The following TGFBR3 variants were observed in gnomAD, a reference collection of about 807,000 sequenced individuals.
The protein encoded by TGFBR3 is transforming growth factor beta receptor type 3.
TGFBR3 carries 46 observed loss-of-function variants against 87.9 expected under a neutral mutation model. The ratio of observed to expected loss-of-function variants is 0.52; its 90% confidence interval spans 0.41 to 0.67. TGFBR3 has a LOEUF of 0.67. Among genes scored for constraint, TGFBR3 ranks in the 30% least tolerant of loss-of-function variants. The pLI, the probability that TGFBR3 is intolerant of heterozygous loss-of-function variation, is 0.00. For missense variants in TGFBR3, 866 were observed against 1,041.9 expected (o/e 0.83, Z 2.32); for synonymous variants, 381 against 391.6 (o/e 0.97, Z 0.32).
At chr1:91,885,844 G>T (rs948429765) in intron 1 of TGFBR3, 34 bp downstream of exon 1, 2 of 319,524 alleles carry the variant, frequency 6.3e-6, no homozygotes, top group Non-Finnish European at 1.2e-5. Flanking sequence ...AGCCCGGGCG[G>T]GCTGCAGCGC....
intron 2 of TGFBR3, among the ~76,000 whole-genome samples, chr1:91,848,147 T>A (rs1677577593): frequency 6.6e-6 from 1 of 152,204 alleles, no homozygotes; most frequent in African/African-American, 2.4e-5. Context: ...AGGTAGCTGT[T>A]GTAAAGGCAT....
At chr1:91,703,207 C>A (rs991467553) in intron 14 of TGFBR3, among the ~76,000 whole-genome samples, 88 of 152,250 alleles carry the variant, frequency 5.8e-4, no homozygotes, top group African/African-American at 2.0e-3. Context: ...AGCTCGAGGA[C>A]AAAACCTGGC....
At chr1:91,842,687 T>A (rs1677331107) in intron 2 of TGFBR3, among the ~76,000 whole-genome samples, 1 of 152,112 alleles carries the variant, frequency 6.6e-6, no homozygotes, top group Non-Finnish European at 1.5e-5. Context: ...TAGCTCTCTC[T>A]CCCCCTCTTT....
chr1:91,886,931 A>T (rs535358026), upstream of TGFBR3, among the ~76,000 whole-genome samples: 8 of 152,248 alleles, frequency 5.3e-5, no homozygotes, highest in East Asian at 9.7e-4. Context: ...CGACGTCCTA[A>T]GTACCTGTGC....
intron 2 of TGFBR3, among the ~76,000 whole-genome samples, chr1:91,849,753 A>T (rs1677647263): frequency 6.6e-6 from 1 of 152,162 alleles, no homozygotes; most frequent in Non-Finnish European, 1.5e-5. Flanking sequence ...TTGTTAAATC[A>T]ATCAATCAAC....
In TGFBR3 at chr1:91,683,620, A is replaced by G. The variant is rs1157368132; in HGVS notation, c.*119T>C. ...TACTGAAATTCACTCTGTCTTTACA[A>G]GGGAACCAAAATCCAGCCCTCTGAG... On this transcript the variant is annotated 3_prime_UTR_variant, in exon 17 of 17. Coordinates refer to ENST00000212355, the MANE Select transcript of TGFBR3 (RefSeq NM_003243.5). 1 of 821,184 alleles carries G rather than the reference A, an allele frequency of 1.2e-6. No homozygotes were observed. Among genetic ancestry groups the G allele is most frequent in the Non-Finnish European group, 2.0e-6 (1 of 501,580 alleles). The allele number at this position is 821,184 out of a possible 1,614,324, so 50.9% of individuals were successfully genotyped here.
chr1:91,886,859 G>A (rs947290953), upstream of TGFBR3, among the ~76,000 whole-genome samples: 2 of 151,878 alleles, frequency 1.3e-5, no homozygotes, highest in African/African-American at 2.4e-5. Context: ...GCGTTACCCG[G>A]AGGTGGGCGC....
At chr1:91,775,229 T>A (rs1674526386) in intron 3 of TGFBR3, among the ~76,000 whole-genome samples, 2 of 152,238 alleles carry the variant, frequency 1.3e-5, no homozygotes, top group African/African-American at 4.8e-5. Flanking sequence ...TCAGCTCTTT[T>A]AATCACTAGA....
At chr1:91,867,776 T>TAC (rs1455971761) in intron 1 of TGFBR3, among the ~76,000 whole-genome samples, 1 of 152,196 alleles carries the variant, frequency 6.6e-6, no homozygotes, top group South Asian at 2.1e-4. Flanking sequence ...AAACCTGGCT[T>TAC]ACCCAGCTGT....
At chr1:91,706,730 A>G (rs375835965) in intron 14 of TGFBR3, among the ~76,000 whole-genome samples, 1 of 152,168 alleles carries the variant, frequency 6.6e-6, no homozygotes, top group East Asian at 1.9e-4. Context: ...CTCATCCCCA[A>G]ATTCTTTCTT....
At chr1:91,788,333 G>A (rs927924174) in intron 3 of TGFBR3, among the ~76,000 whole-genome samples, 1 of 152,164 alleles carries the variant, frequency 6.6e-6, no homozygotes, top group Non-Finnish European at 1.5e-5. Flanking sequence ...ATTAGCTCAG[G>A]CCACAGAGAG....
At chr1:91,874,957 T>C (rs1678725403) in intron 1 of TGFBR3, among the ~76,000 whole-genome samples, 1 of 152,214 alleles carries the variant, frequency 6.6e-6, no homozygotes, top group Admixed American at 6.5e-5. Flanking sequence ...TAAGCCCCAC[T>C]GTAACCCTAA....
At chr1:91,905,347 C>CA (rs1256047129) in intron 1 of TGFBR3, among the ~76,000 whole-genome samples, 1 of 152,116 alleles carries the variant, frequency 6.6e-6, no homozygotes, top group Non-Finnish European at 1.5e-5. Context: ...TTTAGCATGC[C>CA]AAACCAATAA....
chr1:91,742,899 T>G (rs1204994513), intron 4 of TGFBR3, among the ~76,000 whole-genome samples: 1 of 152,018 alleles, frequency 6.6e-6, no homozygotes, highest in African/African-American at 2.4e-5. Context: ...TTGCTGGGAG[T>G]TTTATTATAA....
chr1:91,715,878 CAT>C (rs1672148466), intron 12 of TGFBR3, among the ~76,000 whole-genome samples: 1 of 151,892 alleles, frequency 6.6e-6, no homozygotes, highest in African/African-American at 2.4e-5. Context: ...TAAAAGATAA[CAT>C]ATGAGGTGGT....
chr1:91,762,293 A>C (rs1673997351), intron 3 of TGFBR3, among the ~76,000 whole-genome samples: 2 of 152,202 alleles, frequency 1.3e-5, no homozygotes, highest in African/African-American at 2.4e-5. Context: ...ACTTTTGCAG[A>C]CAATGTCAGG....
At chr1:91,735,223 T>A (rs1235098718) in intron 4 of TGFBR3, among the ~76,000 whole-genome samples, 1 of 152,160 alleles carries the variant, frequency 6.6e-6, no homozygotes, top group Non-Finnish European at 1.5e-5. Flanking sequence ...CATTGAGTAA[T>A]CGTAAGAATT....
At chr1:91,900,654 C>G (rs984278788) in intron 1 of TGFBR3, among the ~76,000 whole-genome samples, 14 of 152,358 alleles carry the variant, frequency 9.2e-5, no homozygotes, top group South Asian at 2.1e-4. Context: ...TCTTGACTCA[C>G]TCTTTTCTGT....
upstream of TGFBR3, among the ~76,000 whole-genome samples, chr1:91,886,583 C>T (rs897205381): frequency 6.6e-6 from 1 of 152,204 alleles, no homozygotes; most frequent in African/African-American, 2.4e-5. Context: ...CATTTGGTTC[C>T]TTGGTCTTTA....
Sources: gnomAD v4.1 joint callset for allele counts (sites outside exome capture counted in the v4.1 genomes callset) on GRCh38, gnomAD v4.1.1 for gene constraint, MANE v1.5 for transcripts, NCBI Gene and HGNC (gene_info 2026-07-23, HGNC 2026-07-21) for gene names.